WDR44: variants seen among roughly 807,000 people sequenced by gnomAD.
WDR44 encodes the protein WD repeat domain 44, also known as WD repeat-containing protein 44.
Under a neutral mutation model 65.7 loss-of-function variants are expected in WDR44, and 9 were observed. That is an observed-to-expected ratio of 0.14 (90% CI 0.08 to 0.24). The LOEUF (loss-of-function observed/expected upper bound fraction) is 0.24, where lower values mean the gene tolerates loss of function less well. WDR44 is among the 10% of genes least tolerant of loss of function. The pLI is 1.00. For synonymous variants in WDR44, 220 were observed against 235.2 expected, an observed-to-expected ratio of 0.94 and a Z score of 0.59; for missense variants, 425 against 670.9, an observed-to-expected ratio of 0.63 and a Z score of 4.05.
chrX:118,417,566 G>A (rs1445040238), intron 12 of WDR44, among the ~76,000 whole-genome samples: 3 of 111,797 alleles, frequency 2.7e-5, no homozygotes, highest in African/African-American at 9.8e-5. Flanking sequence ...TAATCTGTTA[G>A]GTTTTCCTTT....
chrX:118,370,408 A>G (rs2802614), intron 1 of WDR44, among the ~76,000 whole-genome samples: 28,576 of 108,539 alleles, frequency 0.26, 3,162 homozygotes, highest in African/African-American at 0.39. Context: ...GCCTGAGTTC[A>G]CGCAAGATCT....
chrX:118,414,797 G>A (rs757941825), intron 12 of WDR44, among the ~76,000 whole-genome samples: 1 of 111,348 alleles, frequency 9.0e-6, no homozygotes, highest in South Asian at 3.8e-4. Flanking sequence ...TAGGGTTTCC[G>A]AGGTAAATGA....
chrX:118,390,974 C>T (rs1369042491), intron 3 of WDR44, among the ~76,000 whole-genome samples: 1 of 111,523 alleles, frequency 9.0e-6, no homozygotes, highest in Non-Finnish European at 1.9e-5. Context: ...CCTCAGAGTC[C>T]TGCTTTTCTA....
intron 1 of WDR44, among the ~76,000 whole-genome samples, chrX:118,354,424 A>C (rs1230533373): frequency 9.1e-6 from 1 of 110,127 alleles, no homozygotes; most frequent in Admixed American, 9.8e-5. Context: ...TCTCTTAAAA[A>C]AAAAAAAAAA....
intron 12 of WDR44, among the ~76,000 whole-genome samples, chrX:118,421,381 C>G (rs2057103895): frequency 9.0e-6 from 1 of 111,510 alleles, no homozygotes; most frequent in Admixed American, 9.6e-5. Flanking sequence ...CATTTATATC[C>G]ATTGTTTTCA....
intron 13 of WDR44, among the ~76,000 whole-genome samples, chrX:118,435,893 C>T (rs1434483326): frequency 1.8e-5 from 2 of 112,168 alleles, no homozygotes; most frequent in Admixed American, 9.5e-5. Flanking sequence ...CTTAACACAT[C>T]GTAAGTATGC....
chrX:118,367,884 A>G (rs979531863), intron 1 of WDR44, among the ~76,000 whole-genome samples: 1 of 111,600 alleles, frequency 9.0e-6, no homozygotes, highest in Non-Finnish European at 1.9e-5. Context: ...TTTGAAAAGG[A>G]TTACTGTAAA....
Position 118,415,210 on chromosome X carries a change from G to A in WDR44, c.1737+4251G>A, listed in dbSNP as rs999695410. ...GACTTGCATATGTTAAACCATCCCTGCATCCCTGCTATGAAACCCACTTGA... is the reference window on the plus strand; with the variant it reads ...GACTTGCATATGTTAAACCATCCCTACATCCCTGCTATGAAACCCACTTGA... On this transcript the variant is annotated intron_variant, in intron 12 of 19. Transcript: ENST00000254029. Among the ~76,000 whole-genome samples, 9 of 102,933 alleles carry A rather than the reference G, an allele frequency of 8.7e-5. 1 individual carries two copies. Among genetic ancestry groups the A allele is most frequent in the Admixed American group, 8.5e-4 (8 of 9,407 alleles). 89.4% of individuals were successfully genotyped at this position (102,933 alleles called of 115,157 possible). A position where few individuals can be genotyped will look rare whatever the true frequency, so the allele number is the denominator to read the frequency against.
intron 1 of WDR44, among the ~76,000 whole-genome samples, chrX:118,357,115 G>GC (rs2056467813): frequency 9.0e-6 from 1 of 110,998 alleles, no homozygotes; most frequent in Non-Finnish European, 1.9e-5. Context: ...ACAGGCATGA[G>GC]CCACTGTACC....
At chrX:118,428,251 G>T (rs1008577898) in intron 12 of WDR44, among the ~76,000 whole-genome samples, 16 of 109,457 alleles carry the variant, frequency 1.5e-4, no homozygotes, top group South Asian at 8.1e-4. Context: ...TTTCACCACT[G>T]CACTCCAGCC....
At chrX:118,424,384 G>A (rs1275822237) in intron 12 of WDR44, among the ~76,000 whole-genome samples, 1 of 97,186 alleles carries the variant, frequency 1.0e-5, no homozygotes, top group Non-Finnish European at 2.0e-5. Context: ...ACAGGTGTGA[G>A]GTGATATATC....
At chrX:118,434,606 T>C (rs926544045) in intron 13 of WDR44, among the ~76,000 whole-genome samples, 3 of 111,128 alleles carry the variant, frequency 2.7e-5, no homozygotes, top group African/African-American at 9.8e-5. Context: ...GAAGCACTAG[T>C]CTAGATGAGT....
rs201867038 is a variant in WDR44 at position 118,346,589 on chromosome X, C to T, written c.77+9C>T. On this transcript the variant is annotated intron_variant, in intron 1 of 19. Coordinates refer to ENST00000254029, the MANE Select transcript of WDR44 (RefSeq NM_019045.5). The stretch of plus-strand genomic sequence containing the variant: ...GGCGGCTACCCCGTGGGGTAAGTGA[C>T]TGCAGCTATGACAGGAAGCCGGGCA... The T allele has an allele frequency of 8.6e-7, 1 of 1,167,334 alleles. No homozygotes were observed. Among genetic ancestry groups the T allele is most frequent in the African/African-American group, 1.8e-5 (1 of 55,525 alleles).
intron 12 of WDR44, among the ~76,000 whole-genome samples, chrX:118,419,435 A>G (rs959395267): frequency 9.0e-6 from 1 of 111,372 alleles, no homozygotes; most frequent in East Asian, 2.9e-4. Context: ...CTTATCCTGC[A>G]AACAGACGTT....
intron 14 of WDR44, among the ~76,000 whole-genome samples, chrX:118,438,557 C>T (rs2147749824): frequency 9.0e-6 from 1 of 110,781 alleles, no homozygotes; most frequent in South Asian, 3.8e-4. Flanking sequence ...CTCAGCTCCC[C>T]AGGTAGCTGG....
intron 14 of WDR44, among the ~76,000 whole-genome samples, chrX:118,437,766 G>A (rs754308208): frequency 5.4e-5 from 6 of 111,761 alleles, no homozygotes; most frequent in East Asian, 2.8e-4. Flanking sequence ...GGCCAGGCGC[G>A]GTGGCTCACA....
intron 3 of WDR44, among the ~76,000 whole-genome samples, chrX:118,390,944 C>A (rs2056815051): frequency 8.9e-6 from 1 of 111,865 alleles, no homozygotes; most frequent in Non-Finnish European, 1.9e-5. Context: ...GTGGGACTGG[C>A]AAAATTCTTA....
chrX:118,409,713 T>C, intron 11 of WDR44, 86 bp downstream of exon 11: 1 of 954,238 alleles, frequency 1.0e-6, no homozygotes. Flanking sequence ...TGGCAGTCAT[T>C]TGCAGCAACC....
chrX:118,428,193 C>T (rs1445290474), intron 12 of WDR44, among the ~76,000 whole-genome samples: 2 of 109,726 alleles, frequency 1.8e-5, no homozygotes, highest in African/African-American at 6.6e-5. Flanking sequence ...GAGGCTGAGG[C>T]ATGAGAATCG....
Sources: allele counts gnomAD v4.1 joint callset (sites outside exome capture counted in the v4.1 genomes callset), GRCh38; gene constraint gnomAD v4.1.1; transcripts MANE v1.5; gene names NCBI Gene and HGNC (gene_info 2026-07-23, HGNC 2026-07-21).